Variants in ABTB3 observed in about 807,000 individuals in gnomAD.
ABTB3 encodes the protein ankyrin repeat- and BTB/POZ domain-containing protein 3.
chr12:107,552,423 G>A, the ABTB3 span, among the ~76,000 whole-genome samples: 4 of 152,170 alleles, frequency 2.6e-5, no homozygotes, highest in Non-Finnish European at 5.9e-5. Context: ...CGTATCCAGC[G>A]ATAAGCACTA....
the ABTB3 span, among the ~76,000 whole-genome samples, chr12:107,401,449 G>A: frequency 6.6e-6 from 1 of 152,290 alleles, no homozygotes; most frequent in South Asian, 2.1e-4. Context: ...CCAAGTGGCG[G>A]GATGGGGGAT....
At chr12:107,534,286 A>G in the ABTB3 span, among the ~76,000 whole-genome samples, 24 of 152,126 alleles carry the variant, frequency 1.6e-4, 1 homozygote, top group Admixed American at 1.0e-3. Context: ...GATCTATAGT[A>G]TACACAAAAG....
At chr12:107,358,141 G>A in the ABTB3 span, among the ~76,000 whole-genome samples, 1 of 152,210 alleles carries the variant, frequency 6.6e-6, no homozygotes, top group Non-Finnish European at 1.5e-5. Flanking sequence ...CATTCTAGTG[G>A]TGGAGGGGGA....
chr12:107,381,603 A>G, the ABTB3 span, among the ~76,000 whole-genome samples: 1 of 152,230 alleles, frequency 6.6e-6, no homozygotes, highest in Non-Finnish European at 1.5e-5. Flanking sequence ...ATGGCAATGG[A>G]TGAGGCTGGA....
the ABTB3 span, among the ~76,000 whole-genome samples, chr12:107,338,475 G>A: frequency 2.0e-5 from 3 of 152,190 alleles, no homozygotes; most frequent in Admixed American, 2.0e-4. Context: ...GGCAGTCTGG[G>A]CAAATGTTTG....
chr12:107,379,926 A>G, the ABTB3 span, among the ~76,000 whole-genome samples: 2 of 152,190 alleles, frequency 1.3e-5, no homozygotes, highest in African/African-American at 4.8e-5. Flanking sequence ...ATGGGCTTAT[A>G]TTCACCCCAA....
chr12:107,321,203 C>G, the ABTB3 span, among the ~76,000 whole-genome samples: 1 of 152,184 alleles, frequency 6.6e-6, no homozygotes, highest in Admixed American at 6.5e-5. Flanking sequence ...TCTTTCTGGG[C>G]AGATTTCATT....
At chr12:107,350,604 G>C in the ABTB3 span, among the ~76,000 whole-genome samples, 1 of 151,644 alleles carries the variant, frequency 6.6e-6, no homozygotes, top group African/African-American at 2.4e-5. Context: ...AATTTCCCAT[G>C]TGCCACCCAG....
the ABTB3 span, among the ~76,000 whole-genome samples, chr12:107,452,947 T>C: frequency 6.6e-6 from 1 of 152,124 alleles, no homozygotes; most frequent in Non-Finnish European, 1.5e-5. Context: ...CAAGATGTGA[T>C]ACAGAATAAT....
At chr12:107,652,544 T>A in the ABTB3 span, among the ~76,000 whole-genome samples, 1 of 152,332 alleles carries the variant, frequency 6.6e-6, no homozygotes, top group South Asian at 2.1e-4. Context: ...GGAGTCTGCT[T>A]AATCAGGCAG....
At chr12:107,518,646 T>TA in the ABTB3 span, among the ~76,000 whole-genome samples, 1 of 151,644 alleles carries the variant, frequency 6.6e-6, no homozygotes, top group Non-Finnish European at 1.5e-5. Context: ...GAGATATACC[T>TA]AATGTAAATG....
the ABTB3 span, among the ~76,000 whole-genome samples, chr12:107,535,882 CAA>C: frequency 6.6e-6 from 1 of 151,902 alleles, no homozygotes; most frequent in African/African-American, 2.4e-5. Context: ...TGACATTCTT[CAA>C]AGAAATCGAA....
At chr12:107,601,358 G>C in the ABTB3 span, among the ~76,000 whole-genome samples, 3 of 152,214 alleles carry the variant, frequency 2.0e-5, no homozygotes, top group Non-Finnish European at 4.4e-5. Flanking sequence ...TAATGATGAT[G>C]ATCTCCTCCC....
chr12:107,651,816 C>T, the ABTB3 span: 1 of 1,579,958 alleles, frequency 6.3e-7, no homozygotes, highest in African/African-American at 1.3e-5. Context: ...GCGCAGTGCG[C>T]ACACAGGAGC....
the ABTB3 span, among the ~76,000 whole-genome samples, chr12:107,451,371 C>G: frequency 6.6e-6 from 1 of 152,112 alleles, no homozygotes; most frequent in African/African-American, 2.4e-5. Context: ...TCTGAGACAC[C>G]CTGCAACCCT....
At chr12:107,653,959 G>A in the ABTB3 span, among the ~76,000 whole-genome samples, 1 of 152,030 alleles carries the variant, frequency 6.6e-6, no homozygotes, top group Non-Finnish European at 1.5e-5. Context: ...CCCTCCCCCA[G>A]GCCCGGGTAT....
the ABTB3 span, among the ~76,000 whole-genome samples, chr12:107,399,818 C>T: frequency 1.3e-5 from 2 of 152,234 alleles, no homozygotes; most frequent in South Asian, 2.1e-4. Context: ...GGTGTTTGTC[C>T]TAATACTCTC....
the ABTB3 span, chr12:107,617,423 G>T: frequency 6.2e-7 from 1 of 1,614,102 alleles, no homozygotes; most frequent in Admixed American, 1.7e-5. Context: ...CCAGGCTGCA[G>T]CCCACGGACA....
the ABTB3 span, among the ~76,000 whole-genome samples, chr12:107,438,201 A>C: frequency 6.6e-6 from 1 of 151,962 alleles, no homozygotes; most frequent in African/African-American, 2.4e-5. Flanking sequence ...TGAACTCTCT[A>C]TGTGATGTTC....
Sources: gnomAD v4.1 joint callset for allele counts (sites outside exome capture counted in the v4.1 genomes callset) on GRCh38, gnomAD v4.1.1 for gene constraint, MANE v1.5 for transcripts, NCBI Gene and HGNC (gene_info 2026-07-23, HGNC 2026-07-21) for gene names.